The following RHOT1 variants were observed in gnomAD, a reference collection of about 807,000 sequenced individuals.
RHOT1 encodes the protein ras homolog family member T1, also known as mitochondrial Rho GTPase 1.
In RHOT1, 27 loss-of-function variants were observed where a neutral mutation model predicts 95.3. That is an observed-to-expected ratio of 0.28 (90% CI 0.21 to 0.39). The LOEUF (loss-of-function observed/expected upper bound fraction) is 0.39, where lower values mean the gene tolerates loss of function less well. Among genes scored for constraint, RHOT1 ranks in the 10% least tolerant of loss-of-function variants. The pLI is 1.00. For missense variants in RHOT1, 578 were observed against 786.7 expected (o/e 0.73, Z 3.17); for synonymous variants, 227 against 263.5 (o/e 0.86, Z 1.34).
chr17:32,199,570 C>T lies in RHOT1; in HGVS notation c.1100+20C>T. On this transcript the variant is annotated intron_variant, in intron 13 of 19. Coordinates refer to ENST00000545287, the MANE Select transcript of RHOT1 (RefSeq NM_001033566.3). Reference sequence around the variant, plus strand: ...GTGGACGTGAGTATAGAGCTCACCTCTTTCCTCTAGAGTTACAAATAGTTT... The same window carrying T: ...GTGGACGTGAGTATAGAGCTCACCTTTTTCCTCTAGAGTTACAAATAGTTT... 6.4e-7 allele frequency: 1 copy of T among 1,568,130 alleles called. No homozygotes were observed. The highest frequency in any genetic ancestry group is 8.6e-7 in the Non-Finnish European group (1 of 1,163,642).
chr17:32,151,571 T>C (rs752996741), intron 1 of RHOT1: 16 of 361,142 alleles, frequency 4.4e-5, no homozygotes, highest in East Asian at 3.9e-4. Context: ...TGTCTCTCTC[T>C]CAATGAACTT....
At chr17:32,143,179 T>C (rs2030686851) in intron 1 of RHOT1, 3 of 480,568 alleles carry the variant, frequency 6.2e-6, no homozygotes, top group South Asian at 3.1e-5. Context: ...GACTGACCAA[T>C]AGGGATTGCG....
At chr17:32,189,108 C>T (rs1470967678) in intron 8 of RHOT1, among the ~76,000 whole-genome samples, 1 of 152,126 alleles carries the variant, frequency 6.6e-6, no homozygotes, top group Non-Finnish European at 1.5e-5. Context: ...ACCATCCTGG[C>T]TAAGATGGTG....
At chr17:32,209,984 A>G (rs1342723405) in intron 18 of RHOT1, among the ~76,000 whole-genome samples, 1 of 152,112 alleles carries the variant, frequency 6.6e-6, no homozygotes, top group Non-Finnish European at 1.5e-5. Flanking sequence ...TTGGGCCTAT[A>G]CAAGTTTTTT....
chr17:32,174,952 A>G (rs2034874982), intron 3 of RHOT1, among the ~76,000 whole-genome samples: 1 of 152,034 alleles, frequency 6.6e-6, no homozygotes, highest in African/African-American at 2.4e-5. Flanking sequence ...CCAGAATCTC[A>G]CCTGCCTTTT....
At chr17:32,203,807 C>T in intron 15 of RHOT1, 83 bp from the exon 16 acceptor site, 1 of 924,240 alleles carries the variant, frequency 1.1e-6, no homozygotes, top group Non-Finnish European at 1.8e-6. Context: ...ATTTATAACA[C>T]ACCTGCACAT....
chr17:32,199,893 C>A (rs922394003), intron 13 of RHOT1, among the ~76,000 whole-genome samples: 1 of 150,494 alleles, frequency 6.6e-6, no homozygotes, highest in African/African-American at 2.4e-5. Flanking sequence ...GCATATTTTA[C>A]TTGACACTGA....
intron 11 of RHOT1, among the ~76,000 whole-genome samples, chr17:32,198,460 A>G (rs1031927080): frequency 2.0e-5 from 3 of 152,162 alleles, no homozygotes; most frequent in African/African-American, 4.8e-5. Context: ...TATAATCCCA[A>G]CACTTACTGG....
chr17:32,165,555 TA>T (rs1245923483), intron 1 of RHOT1, among the ~76,000 whole-genome samples: 3 of 152,038 alleles, frequency 2.0e-5, no homozygotes, highest in African/African-American at 7.2e-5. Flanking sequence ...CTTTTCTAGT[TA>T]AAAAATTTTT....
At chr17:32,224,573 T>C (rs1301640196) in intron 19 of RHOT1, 43 bp from the exon 20 acceptor site, 3 of 1,383,728 alleles carry the variant, frequency 2.2e-6, no homozygotes, top group Non-Finnish European at 3.0e-6. Context: ...AGGGTTTTCA[T>C]ACTAATCATG....
chr17:32,221,703 T>G (rs987143686), intron 19 of RHOT1, among the ~76,000 whole-genome samples: 4 of 152,212 alleles, frequency 2.6e-5, no homozygotes, highest in African/African-American at 9.7e-5. Context: ...TTTTATAAGT[T>G]AATAGTTACC....
At chr17:32,149,209 C>T (rs919325984) in intron 1 of RHOT1, among the ~76,000 whole-genome samples, 3 of 151,728 alleles carry the variant, frequency 2.0e-5, no homozygotes, top group African/African-American at 4.8e-5. Context: ...ATTTATATTA[C>T]ATTTTATACA....
intron 8 of RHOT1, among the ~76,000 whole-genome samples, chr17:32,187,341 C>T (rs1362784191): frequency 3.3e-5 from 5 of 152,002 alleles, no homozygotes; most frequent in African/African-American, 1.2e-4. Flanking sequence ...TGGTCTTGAA[C>T]TCCTGGCCTC....
intron 6 of RHOT1, among the ~76,000 whole-genome samples, chr17:32,181,409 A>G (rs563284990): frequency 3.3e-4 from 50 of 152,304 alleles, no homozygotes; most frequent in African/African-American, 7.5e-4. Flanking sequence ...TTTTCCCTCA[A>G]TCTTCACATC....
At chr17:32,212,746 C>G (rs964076303) in intron 19 of RHOT1, among the ~76,000 whole-genome samples, 1 of 152,058 alleles carries the variant, frequency 6.6e-6, no homozygotes, top group Non-Finnish European at 1.5e-5. Context: ...GAACAACATA[C>G]GACTATCCTA....
Position 32,211,216 on chromosome 17 carries a change from A to G in RHOT1, c.1840A>G (p.Ile614Val), listed in dbSNP as rs1180857814. 1.2e-6 allele frequency: 2 copies of G among 1,611,228 alleles called. No individual in the cohort carries two copies. The highest frequency in any genetic ancestry group is 1.7e-5 in the Admixed American group (1 of 59,960). Residue 614 changes from isoleucine to valine, a missense_variant, in exon 19 of 20, where the codon ATC becomes GTC. Coordinates refer to ENST00000545287, the MANE Select transcript of RHOT1 (RefSeq NM_001033566.3). ...CTTGCTGCAATCTGTAAAGAACAAA[A>G]TCTTCACTGCAGTTCTTAACAGGTT... ...SDLLQSVKNK[I>V]FTAVLNRHVT...
At chr17:32,170,859 T>C (rs1043279603) in intron 1 of RHOT1, among the ~76,000 whole-genome samples, 184 bp from the exon 2 acceptor site, 1 of 152,168 alleles carries the variant, frequency 6.6e-6, no homozygotes, top group Non-Finnish European at 1.5e-5. Context: ...TGGCAAGTTT[T>C]TAAAAAAGAG....
chr17:32,222,974 C>CTTT, intron 19 of RHOT1: 1 of 698,096 alleles, frequency 1.4e-6, no homozygotes, highest in Non-Finnish European at 1.8e-6. Flanking sequence ...TCTTCTCTGA[C>CTTT]TTTTTTTTTA....
chr17:32,204,915 G>A (rs1346854552), intron 16 of RHOT1, among the ~76,000 whole-genome samples: 2 of 151,750 alleles, frequency 1.3e-5, no homozygotes, highest in Non-Finnish European at 2.9e-5. Flanking sequence ...CCTGGGAGGC[G>A]GAGGTTGTAG....
Sources: gnomAD v4.1 joint callset for allele counts (sites outside exome capture counted in the v4.1 genomes callset) on GRCh38, gnomAD v4.1.1 for gene constraint, MANE v1.5 for transcripts, NCBI Gene and HGNC (gene_info 2026-07-23, HGNC 2026-07-21) for gene names.